PLXNA2: variants seen among roughly 807,000 people sequenced by gnomAD.
PLXNA2 encodes the protein plexin-A2.
In PLXNA2, 91 loss-of-function variants were observed where a neutral mutation model predicts 193.5. The observed-to-expected ratio is 0.47, with a 90% CI of 0.40 to 0.56. The LOEUF is 0.56. PLXNA2 is among the 20% of genes least tolerant of loss of function. The pLI, the probability that PLXNA2 is intolerant of heterozygous loss-of-function variation, is 0.00. For missense variants in PLXNA2, 1,995 were observed against 2,503.2 expected, an observed-to-expected ratio of 0.80 and a Z score of 4.33; for synonymous variants, 997 against 1,027.3, an observed-to-expected ratio of 0.97 and a Z score of 0.56.
chr1:208,088,779 T>A (rs1318072777), intron 9 of PLXNA2, among the ~76,000 whole-genome samples: 1 of 152,318 alleles, frequency 6.6e-6, no homozygotes, highest in East Asian at 1.9e-4. Context: ...AAAATCAATG[T>A]GTGTTGTAAG....
At chr1:208,179,630 G>C (rs1419531699) in intron 3 of PLXNA2, among the ~76,000 whole-genome samples, 3 of 152,198 alleles carry the variant, frequency 2.0e-5, no homozygotes, top group South Asian at 2.1e-4. Flanking sequence ...TGGGGCAGAT[G>C]AGGGCCCTGG....
chr1:208,233,920 C>A (rs78855319), intron 1 of PLXNA2, among the ~76,000 whole-genome samples: 19,723 of 152,112 alleles, frequency 0.13, 1,657 homozygotes, highest in Middle Eastern at 0.22. Context: ...CACCACACTG[C>A]GCAGCACCAT....
intron 28 of PLXNA2, among the ~76,000 whole-genome samples, chr1:208,033,060 T>C (rs1664554846): frequency 7.3e-6 from 1 of 136,178 alleles, no homozygotes; most frequent in African/African-American, 3.1e-5. Context: ...TTTTGTCCTC[T>C]TTTTTTTTTT....
chr1:208,158,577 C>G (rs192485985), intron 3 of PLXNA2, among the ~76,000 whole-genome samples: 1 of 152,170 alleles, frequency 6.6e-6, no homozygotes, highest in Non-Finnish European at 1.5e-5. Flanking sequence ...GTGGCCTTGC[C>G]GACATCAGTT....
intron 12 of PLXNA2, among the ~76,000 whole-genome samples, chr1:208,077,802 A>C (rs1666209291): frequency 1.3e-5 from 2 of 152,178 alleles, no homozygotes; most frequent in African/African-American, 4.8e-5. Context: ...GTCACGATCA[A>C]GAATAAAATG....
chr1:208,155,447 G>T (rs139030539), intron 3 of PLXNA2, among the ~76,000 whole-genome samples: 1 of 152,134 alleles, frequency 6.6e-6, no homozygotes, highest in African/African-American at 2.4e-5. Flanking sequence ...AAGTACTAAA[G>T]CATCCCTCAT....
chr1:208,100,116 G>A (rs1000832861), intron 5 of PLXNA2, among the ~76,000 whole-genome samples: 2 of 152,004 alleles, frequency 1.3e-5, no homozygotes, highest in South Asian at 2.1e-4. Context: ...GCTCACACCT[G>A]TAATCCCAGC....
chr1:208,096,963 C>G, intron 6 of PLXNA2, 80 bp from the exon 7 acceptor site: 1 of 1,359,116 alleles, frequency 7.4e-7, no homozygotes, highest in South Asian at 1.3e-5. Context: ...CTGTGACCCA[C>G]TTTGCTCACT....
intron 4 of PLXNA2, among the ~76,000 whole-genome samples, chr1:208,107,661 C>T (rs1667315410): frequency 6.6e-6 from 1 of 152,154 alleles, no homozygotes; most frequent in African/African-American, 2.4e-5. Flanking sequence ...CGCCCTCTGT[C>T]AGGGCTGACT....
At chr1:208,149,256 T>G (rs1045542246) in intron 3 of PLXNA2, among the ~76,000 whole-genome samples, 1 of 151,632 alleles carries the variant, frequency 6.6e-6, no homozygotes, top group Non-Finnish European at 1.5e-5. Context: ...ATGAGTCTGT[T>G]GTATGTATAT....
At chr1:208,210,144 C>A (rs1202220358) in intron 3 of PLXNA2, 136 bp downstream of exon 3, 1 of 887,206 alleles carries the variant, frequency 1.1e-6, no homozygotes, top group Non-Finnish European at 1.8e-6. Context: ...CCCCTTCTTA[C>A]CTCCCCATTT....
chr1:208,097,716 C>T (rs1666944585), intron 6 of PLXNA2, among the ~76,000 whole-genome samples: 1 of 152,096 alleles, frequency 6.6e-6, no homozygotes, highest in Non-Finnish European at 1.5e-5. Context: ...ACTCAAATTA[C>T]CACAATACAG....
At chr1:208,146,922 T>C (rs934712787) in intron 3 of PLXNA2, among the ~76,000 whole-genome samples, 1 of 152,152 alleles carries the variant, frequency 6.6e-6, no homozygotes, top group Non-Finnish European at 1.5e-5. Flanking sequence ...CAGAAGCTAC[T>C]GGGGCTATTT....
chr1:208,106,409 G>A (rs895581319), intron 4 of PLXNA2, among the ~76,000 whole-genome samples: 1 of 152,158 alleles, frequency 6.6e-6, no homozygotes, highest in African/African-American at 2.4e-5. Context: ...TTCAAGTTGC[G>A]AACAGGCTAG....
intron 12 of PLXNA2, among the ~76,000 whole-genome samples, chr1:208,071,411 C>T (rs1665973242): frequency 6.6e-6 from 1 of 152,228 alleles, no homozygotes; most frequent in Non-Finnish European, 1.5e-5. Context: ...GGCAGTGATG[C>T]CAACTTCGTG....
At position 208,082,306 on chromosome 1, in the gene PLXNA2, A is replaced by C. The variant is rs1666370844; in HGVS notation, c.2395+106T>G. The C allele has an allele frequency of 2.5e-6, 2 of 808,490 alleles. No individual in the cohort carries two copies. The highest frequency in any genetic ancestry group is 2.1e-6 in the Non-Finnish European group (1 of 474,432). The allele number at this position is 808,490 out of a possible 1,614,324, so 50.1% of individuals were successfully genotyped here. ...TCTGAAGAGTTCCGCCGACAGAGGG[A>C]GTGTATTATTCATGGCACAGCGGCT... On this transcript the variant is annotated intron_variant, in intron 11 of 31. Transcript: ENST00000367033. The surrounding 1 kb of genome is among the most constrained non-coding windows in gnomAD (Gnocchi z 4.2).
intron 9 of PLXNA2, among the ~76,000 whole-genome samples, chr1:208,088,560 C>A (rs571745380): frequency 2.0e-5 from 3 of 152,254 alleles, no homozygotes; most frequent in Non-Finnish European, 2.9e-5. Flanking sequence ...CGTGCACACC[C>A]GCTTGCTAAC....
At chr1:208,222,960 C>A (rs912858835) in intron 1 of PLXNA2, among the ~76,000 whole-genome samples, 1 of 152,148 alleles carries the variant, frequency 6.6e-6, no homozygotes, top group African/African-American at 2.4e-5. Context: ...GTTTTCATAA[C>A]AATAACAGCA....
intron 10 of PLXNA2, among the ~76,000 whole-genome samples, chr1:208,083,396 C>G (rs1025350404): frequency 2.0e-5 from 3 of 152,208 alleles, no homozygotes; most frequent in African/African-American, 7.2e-5. Context: ...CCCGACCCCC[C>G]ACTCTTCAGC....
Sources: gnomAD v4.1 joint callset for allele counts (sites outside exome capture counted in the v4.1 genomes callset) on GRCh38, gnomAD v4.1.1 for gene constraint, Gnocchi (gnomAD v3.1) non-coding constraint, MANE v1.5 for transcripts, NCBI Gene and HGNC (gene_info 2026-07-23, HGNC 2026-07-21) for gene names.